Variants in PTPRM observed in about 807,000 individuals in gnomAD.
The protein encoded by PTPRM is receptor-type tyrosine-protein phosphatase mu.
PTPRM carries 47 observed loss-of-function variants against 186.7 expected under a neutral mutation model. That is an observed-to-expected ratio of 0.25 (90% CI 0.20 to 0.32). The LOEUF (loss-of-function observed/expected upper bound fraction) is 0.32, where lower values mean the gene tolerates loss of function less well. PTPRM is among the 10% of genes least tolerant of loss of function. The pLI is 1.00. For missense variants in PTPRM, 1,494 were observed against 1,865.0 expected (o/e 0.80, Z 3.66); for synonymous variants, 668 against 674.9 (o/e 0.99, Z 0.16).
chr18:8,115,986 T>C (rs1421354817), intron 13 of PTPRM, among the ~76,000 whole-genome samples: 2 of 152,244 alleles, frequency 1.3e-5, no homozygotes, highest in African/African-American at 4.8e-5. Context: ...AATCTATTTA[T>C]ACTAATTTTA....
At chr18:8,146,025 CTTT>C (rs33980345) in intron 14 of PTPRM, among the ~76,000 whole-genome samples, 14 of 109,850 alleles carry the variant, frequency 1.3e-4, no homozygotes, top group East Asian at 2.8e-4. Context: ...TCTTTCTTTT[CTTT>C]TTTTTTTTTT....
At chr18:7,778,679 G>A (rs561583672) in intron 2 of PTPRM, among the ~76,000 whole-genome samples, 12 of 151,832 alleles carry the variant, frequency 7.9e-5, no homozygotes, top group South Asian at 2.1e-4. Context: ...GAGGTTTCAC[G>A]GTGTTGGCCA....
At chr18:8,160,810 G>C (rs1013810508) in intron 14 of PTPRM, among the ~76,000 whole-genome samples, 1 of 152,178 alleles carries the variant, frequency 6.6e-6, no homozygotes, top group African/African-American at 2.4e-5. Context: ...TCCTCCAAGG[G>C]TGTTTGATAA....
intron 3 of PTPRM, among the ~76,000 whole-genome samples, chr18:7,893,722 G>A (rs752235622): frequency 2.0e-5 from 3 of 152,176 alleles, no homozygotes; most frequent in Non-Finnish European, 2.9e-5. Flanking sequence ...TTATCTGCTG[G>A]GCAGTAAACA....
At chr18:7,754,345 T>G (rs957591697) in intron 1 of PTPRM, among the ~76,000 whole-genome samples, 2 of 152,238 alleles carry the variant, frequency 1.3e-5, no homozygotes, top group Non-Finnish European at 2.9e-5. Context: ...AGGCAGAATT[T>G]CATAGAATAC....
At chr18:8,160,130 T>G (rs2093201672) in intron 14 of PTPRM, among the ~76,000 whole-genome samples, 1 of 152,212 alleles carries the variant, frequency 6.6e-6, no homozygotes, top group Admixed American at 6.5e-5. Context: ...TTAAGCCACC[T>G]TTGAAATATT....
intron 31 of PTPRM, among the ~76,000 whole-genome samples, chr18:8,393,166 C>T (rs567974916): frequency 1.3e-5 from 2 of 152,292 alleles, no homozygotes; most frequent in South Asian, 2.1e-4. Flanking sequence ...CAGACACCAT[C>T]TTAACAAGTG....
intron 2 of PTPRM, among the ~76,000 whole-genome samples, chr18:7,884,435 C>T (rs1460394213): frequency 6.6e-6 from 1 of 152,110 alleles, no homozygotes; most frequent in Non-Finnish European, 1.5e-5. Flanking sequence ...CTGAGTGCTG[C>T]TTAATTGATT....
chr18:8,202,182 T>G (rs916220568), intron 14 of PTPRM, among the ~76,000 whole-genome samples: 2 of 152,198 alleles, frequency 1.3e-5, no homozygotes, highest in Non-Finnish European at 2.9e-5. Context: ...TTTCTCAGAC[T>G]GGATTATTAT....
intron 20 of PTPRM, among the ~76,000 whole-genome samples, chr18:8,313,346 C>T (rs557645756): frequency 1.3e-4 from 20 of 152,288 alleles, no homozygotes; most frequent in African/African-American, 4.6e-4. Flanking sequence ...TTTTAGCATA[C>T]ACTTTAATTG....
intron 2 of PTPRM, among the ~76,000 whole-genome samples, chr18:7,877,728 C>G (rs563767076): frequency 6.6e-6 from 1 of 152,298 alleles, no homozygotes; most frequent in South Asian, 2.1e-4. Context: ...TCCTACCAAG[C>G]TCAGGGAGCC....
At chr18:8,286,305 A>G (rs1489326605) in intron 19 of PTPRM, among the ~76,000 whole-genome samples, 1 of 152,212 alleles carries the variant, frequency 6.6e-6, no homozygotes, top group African/African-American at 2.4e-5. Context: ...CATTCACCCA[A>G]GACCTACTGT....
At chr18:8,087,352 C>A (rs1231421754) in intron 10 of PTPRM, among the ~76,000 whole-genome samples, 1 of 152,002 alleles carries the variant, frequency 6.6e-6, no homozygotes, top group Non-Finnish European at 1.5e-5. Flanking sequence ...AGTCCGTTCT[C>A]ACACTGCTAA....
intron 4 of PTPRM, among the ~76,000 whole-genome samples, chr18:7,922,842 A>G (rs576133730): frequency 3.3e-5 from 5 of 152,312 alleles, no homozygotes; most frequent in South Asian, 2.1e-4. Flanking sequence ...TTAGCATTAT[A>G]TGTAGTGGAA....
At chr18:8,161,503 A>G (rs531122839) in intron 14 of PTPRM, among the ~76,000 whole-genome samples, 19 of 152,042 alleles carry the variant, frequency 1.2e-4, no homozygotes, top group Admixed American at 2.0e-4. Context: ...AAATCTTCCC[A>G]TCTCCCCTGA....
At chr18:7,673,887 G>A (rs575546956) in intron 1 of PTPRM, among the ~76,000 whole-genome samples, 9 of 152,300 alleles carry the variant, frequency 5.9e-5, no homozygotes, top group African/African-American at 2.2e-4. Flanking sequence ...TGGTAGCCTG[G>A]TGAAAGCAGT....
chr18:7,805,775 T>G (rs2044204347), intron 2 of PTPRM, among the ~76,000 whole-genome samples: 1 of 152,238 alleles, frequency 6.6e-6, no homozygotes, highest in South Asian at 2.1e-4. Flanking sequence ...ATGAAGATGA[T>G]AAAAGGGAGT....
chr18:8,071,379 AT>A (rs2089464683), intron 8 of PTPRM, among the ~76,000 whole-genome samples: 1 of 152,050 alleles, frequency 6.6e-6, no homozygotes, highest in South Asian at 2.1e-4. Flanking sequence ...TCAAATCCTT[AT>A]TATTTTATGC....
At chr18:7,743,186 G>A (rs564512693) in intron 1 of PTPRM, among the ~76,000 whole-genome samples, 21 of 152,274 alleles carry the variant, frequency 1.4e-4, no homozygotes, top group African/African-American at 4.8e-4. Context: ...CTGTATGGCC[G>A]CTGATTGTCA....
Sources: allele counts gnomAD v4.1 joint callset (sites outside exome capture counted in the v4.1 genomes callset), GRCh38; gene constraint gnomAD v4.1.1; transcripts MANE v1.5; gene names NCBI Gene and HGNC (gene_info 2026-07-23, HGNC 2026-07-21).